Variants in CYP4F2 observed in about 807,000 individuals in gnomAD.
The protein encoded by CYP4F2 is cytochrome P450 4F2.
CYP4F2 carries 58 observed loss-of-function variants against 58.9 expected under a neutral mutation model. The ratio of observed to expected loss-of-function variants is 0.98; its 90% CI spans 0.80 to 1.23. The LOEUF is 1.23. CYP4F2 is among the 50% of genes most tolerant of loss of function. CYP4F2 has a pLI of 0.00. For missense variants in CYP4F2, 616 were observed against 685.6 expected (o/e 0.90, Z 1.13); for synonymous variants, 287 against 261.1 (o/e 1.10, Z -0.95).
intron 3 of CYP4F2, among the ~76,000 whole-genome samples, chr19:15,894,313 C>A (rs3093127): frequency 7.4e-4 from 112 of 152,274 alleles, no homozygotes; most frequent in African/African-American, 2.5e-3. Context: ...CAAGACTGGG[C>A]AATCAGAGAC....
chr19:15,897,428 C>G lies in CYP4F2; in HGVS notation c.184G>C (p.Gly62Arg). ...PQPPRRNWFW[G>R]HQGMVNPTEE... Reference sequence around the variant, plus strand: ...GCCACACTCACCATGCCCTGGTGTCCCCAAAACCAGTTCCGTCTTGGGGGT... The same window carrying G: ...GCCACACTCACCATGCCCTGGTGTCGCCAAAACCAGTTCCGTCTTGGGGGT... The change falls in exon 2 of 13, where the codon GGA becomes CGA. Residue 62 changes from glycine (G) to arginine (R), a missense_variant. Coordinates refer to ENST00000221700, the MANE Select transcript of CYP4F2 (RefSeq NM_001082.5). 6.2e-7 allele frequency: 1 copy of G among 1,613,768 alleles called. No homozygotes were observed. The highest frequency in any genetic ancestry group is 8.5e-7 in the Non-Finnish European group (1 of 1,179,874).
In CYP4F2 at chr19:15,879,748, G is replaced by C. The variant is rs755292564; in HGVS notation, c.1249+16C>G. 3.1e-6 allele frequency: 5 copies of C among 1,613,886 alleles called. No individual in the cohort carries two copies. Among genetic ancestry groups the C allele is most frequent in the Non-Finnish European group, 4.2e-6 (5 of 1,179,878 alleles). Reference sequence around the variant, plus strand: ...CTTCCTACCCAGGAGACTCCTCCCCGTGAGGCTGTGAGCACCTTTGGGGAT... The same window carrying C: ...CTTCCTACCCAGGAGACTCCTCCCCCTGAGGCTGTGAGCACCTTTGGGGAT... On this transcript the variant is annotated intron_variant, in intron 10 of 12. Transcript: ENST00000221700.
intron 7 of CYP4F2, among the ~76,000 whole-genome samples, chr19:15,886,788 C>CT (rs2089382962): frequency 1.3e-5 from 2 of 152,210 alleles, no homozygotes; most frequent in Admixed American, 6.5e-5. Flanking sequence ...AGCACACCAT[C>CT]TCTCACAAAG....
chr19:15,885,946 G>C lies in CYP4F2; in HGVS notation c.1093C>G (p.Arg365Gly), dbSNP rs200373927. The change falls in exon 9 of 13, where the codon CGT becomes GGT. Residue 365 changes from arginine (R) to glycine (G), a missense_variant. By Grantham distance (125) the Arg-to-Gly change is moderately radical. Transcript: ENST00000221700. ...RQEVQELLKD[R>G]EPKEIEWDDL... ...CACCATTCAATCTCTTTAGGCTCAC[G>C]GTCCTTCAGAAGTTCTTGCACCTCC... The C allele has an allele frequency of 6.2e-6, 10 of 1,613,924 alleles. No individual in the cohort carries two copies. Among genetic ancestry groups the C allele is most frequent in the Non-Finnish European group, 8.5e-6 (10 of 1,179,906 alleles).
chr19:15,890,865 T>G (rs1411325294), intron 5 of CYP4F2, among the ~76,000 whole-genome samples: 1 of 152,184 alleles, frequency 6.6e-6, no homozygotes, highest in Non-Finnish European at 1.5e-5. Context: ...TCATCTACCA[T>G]GGGGCAAAAA....
rs2089421853 is a variant in CYP4F2 at position 15,892,441 on chromosome 19, C to T, written c.398-5G>A. On this transcript the variant is annotated splice_polypyrimidine_tract_variant and splice_region_variant and intron_variant, in intron 4 of 12. Transcript: ENST00000221700. Reference sequence around the variant, plus strand: ...CACTCAGCAGGAGCCCATCCCCTAGCAGGGCAGCCAAGGGCCATGGGCAAG... The same window carrying T: ...CACTCAGCAGGAGCCCATCCCCTAGTAGGGCAGCCAAGGGCCATGGGCAAG... The T allele has an allele frequency of 6.2e-7, 1 of 1,614,070 alleles. No homozygotes were observed. Among genetic ancestry groups the T allele is most frequent in the African/African-American group, 1.3e-5 (1 of 74,932 alleles).
rs183473082 is a variant in CYP4F2, at chr19:15,896,380, G to A, written c.199-730C>T. ...GGTGCATCCCAGGGCAGAGGGAGAA[G>A]ACGCACTGTCCACTCACAGAGGCCC... On this transcript the variant is annotated intron_variant, in intron 2 of 12. Transcript: ENST00000221700. Among the ~76,000 whole-genome samples the A allele has an allele frequency of 1.6e-4, 25 of 152,296 alleles. No homozygotes were observed. The East Asian group carries it at 4.4e-3, about 27-fold the overall frequency.
At position 15,878,672 on chromosome 19, in the gene CYP4F2, A is replaced by C. The variant is rs1037050443; in HGVS notation, c.*99T>G. 17 of 1,457,070 alleles carry C rather than the reference A, an allele frequency of 1.2e-5. No individual in the cohort carries two copies. The highest frequency in any genetic ancestry group is 2.8e-5 in the African/African-American group (2 of 70,316). 90.3% of individuals were successfully genotyped at this position (1,457,070 alleles called of 1,614,324 possible). On this transcript the variant is annotated 3_prime_UTR_variant, in exon 13 of 13. Coordinates refer to ENST00000221700, the MANE Select transcript of CYP4F2 (RefSeq NM_001082.5). The stretch of plus-strand genomic sequence containing the variant: ...TATTTTGAGTAGATATCTAGGATGG[A>C]ATACAGGACTGTGGAACAGGGTCTT...
At position 15,895,558 on chromosome 19, in the gene CYP4F2, G is replaced by T. The variant is rs139580343; in HGVS notation, c.291C>A (p.Pro97=). The change falls in exon 3 of 13, where the codon CCC becomes CCA. Residue 97 remains proline, a synonymous_variant. Transcript: ENST00000221700. ...TGTCGGGGTGGCACAAACTGAGGAG[G>T]GGGGAGATGGGTCCCATCCAGACCT... The part of the protein sequence containing the change: ...GFKVWMGPIS[P]LLSLCHPDII... 1.4e-4 allele frequency: 214 copies of T among 1,555,464 alleles called. No homozygotes were observed. In the African/African-American group the frequency reaches 2.6e-3, roughly 19 times the overall value.
intron 5 of CYP4F2, 40 bp from the exon 6 acceptor site, chr19:15,890,473 C>T (rs775832761): frequency 4.3e-6 from 7 of 1,610,618 alleles, no homozygotes; most frequent in Non-Finnish European, 5.9e-6. Context: ...AGGCTCCTTG[C>T]TCCCTTGAGC....
chr19:15,889,585 A>G lies in CYP4F2; in HGVS notation c.756T>C (p.Asp252=). 1.9e-6 allele frequency: 3 copies of G among 1,614,220 alleles called. No homozygotes were observed. Among genetic ancestry groups the G allele is most frequent in the Non-Finnish European group, 2.5e-6 (3 of 1,180,044 alleles). ...HIDFLYYLTP[D]GQRFRRACRL... ...GGCAGGCCCTGCGGAAACGCTGCCC[A>G]TCAGGGGTGAGATAATACAGGAAGT... Residue 252 remains aspartate, a synonymous_variant, in exon 7 of 13, where the codon GAT becomes GAC. Coordinates refer to ENST00000221700, the MANE Select transcript of CYP4F2 (RefSeq NM_001082.5).
At position 15,895,536 on chromosome 19, in the gene CYP4F2, C is replaced by A. The variant is rs372270252; in HGVS notation, c.313G>T (p.Asp105Tyr). 75 of 1,542,406 alleles carry A rather than the reference C, an allele frequency of 4.9e-5. No individual in the cohort carries two copies. Among genetic ancestry groups the A allele is most frequent in the Non-Finnish European group, 6.1e-5 (71 of 1,154,574 alleles). ...ISPLLSLCHP[D>Y]IIRSVINASA... ...GCGTTGATGACAGACCGGATGATGT[C>A]GGGGTGGCACAAACTGAGGAGGGGG... The change falls in exon 3 of 13, where the codon GAC becomes TAC. Residue 105 changes from aspartate (D) to tyrosine (Y), a missense_variant. Transcript: ENST00000221700.
At position 15,879,668 on chromosome 19, in the gene CYP4F2, C is replaced by T; in HGVS notation, c.1250G>A (p.Gly417Asp). The change falls in exon 11 of 13, where the codon GGC becomes GAC. Residue 417 changes from glycine (G) to aspartate (D), a missense_variant and splice_region_variant. Transcript: ENST00000221700. ...VLPDGRVIPK[G>D]IICLISVFGT... is the part of the protein sequence containing the mutation. ...GAAAACACTGATGAGGCAGATAATGCCTGTGGGAGAGAAGGGAGCAGTCAG... is the reference window on the plus strand; with the variant it reads ...GAAAACACTGATGAGGCAGATAATGTCTGTGGGAGAGAAGGGAGCAGTCAG... 6.2e-7 allele frequency: 1 copy of T among 1,614,160 alleles called. No individual in the cohort carries two copies. The highest frequency in any genetic ancestry group is 8.5e-7 in the Non-Finnish European group (1 of 1,180,026).
chr19:15,898,070 C>G lies in CYP4F2; in HGVS notation c.-46G>C, dbSNP rs528466328. The G allele has an allele frequency of 5.5e-6, 1 of 183,418 alleles. No individual in the cohort carries two copies. The highest frequency in any genetic ancestry group is 1.9e-4 in the East Asian group (1 of 5,316). 11.4% of individuals were successfully genotyped at this position (183,418 alleles called of 1,614,324 possible). On this transcript the variant is annotated 5_prime_UTR_variant, in exon 1 of 13. Coordinates refer to ENST00000221700, the MANE Select transcript of CYP4F2 (RefSeq NM_001082.5). ...GTCCCAGACAACCTCCTCTCTCTGT[C>G]TGCTGGGAGGCCTTTGACCCTGGCC...
intron 1 of CYP4F2, 194 bp downstream of exon 1, chr19:15,897,832 A>G: frequency 2.2e-6 from 1 of 460,052 alleles, no homozygotes; most frequent in Non-Finnish European, 3.7e-6. Flanking sequence ...AGAATGGGAA[A>G]GAGAGAGAGA....
At position 15,897,565 on chromosome 19, in the gene CYP4F2, G is replaced by A; in HGVS notation, c.47C>T (p.Ala16Val). 6.2e-7 allele frequency: 1 copy of A among 1,613,936 alleles called. No homozygotes were observed. Among genetic ancestry groups the A allele is most frequent in the Non-Finnish European group, 8.5e-7 (1 of 1,179,946 alleles). The change falls in exon 2 of 13, where the codon GCA becomes GTA. Residue 16 changes from alanine (A) to valine (V), a missense_variant. Ala to Val is a moderately conservative substitution (Grantham distance 64, BLOSUM62 0). Coordinates refer to ENST00000221700, the MANE Select transcript of CYP4F2 (RefSeq NM_001082.5). ...CAGCAGGAGGAGCAGCCAAGGGGATGCTGCCACTGGCCAGAGGCCCAGCCA... is the reference window on the plus strand; with the variant it reads ...CAGCAGGAGGAGCAGCCAAGGGGATACTGCCACTGGCCAGAGGCCCAGCCA... ...LSWLGLWPVA[A>V]SPWLLLLLVG...
At chr19:15,894,803 G>A (rs1001713734) in intron 3 of CYP4F2, among the ~76,000 whole-genome samples, 1 of 152,176 alleles carries the variant, frequency 6.6e-6, no homozygotes, top group African/African-American at 2.4e-5. Flanking sequence ...TCAAGGAAAG[G>A]GACCCAAGCT....
In CYP4F2 at chr19:15,895,484, C is replaced by CA. The variant is rs11444372; in HGVS notation, c.343+21dup. On this transcript the variant is annotated intron_variant, in intron 3 of 12. Coordinates refer to ENST00000221700, the MANE Select transcript of CYP4F2 (RefSeq NM_001082.5). ...AGTGCAGGCCTCAAATGCACTGCCC[C>CA]ACCAGCTGTTCCAGATGGTACCTGA... 6.3e-3 allele frequency: 9,283 copies of CA among 1,482,380 alleles called. 448 individuals are homozygous for CA. The African/African-American group carries it at 0.1, about 16-fold the overall frequency. The allele number at this position is 1,482,380 out of a possible 1,614,324, so 91.8% of individuals were successfully genotyped here. A position where few individuals can be genotyped will look rare whatever the true frequency, so the allele number is the denominator to read the frequency against.
intron 7 of CYP4F2, among the ~76,000 whole-genome samples, chr19:15,888,935 TAGACAG>T (rs1375022907): frequency 6.6e-6 from 1 of 151,784 alleles, no homozygotes; most frequent in African/African-American, 2.4e-5. Flanking sequence ...GATGAAAATA[TAGACAG>T]AGACAAAGAC....
Sources: allele counts gnomAD v4.1 joint callset (sites outside exome capture counted in the v4.1 genomes callset), GRCh38; gene constraint gnomAD v4.1.1; transcripts MANE v1.5; gene names NCBI Gene and HGNC (gene_info 2026-07-23, HGNC 2026-07-21).